Variants in BACH2 observed in about 807,000 individuals in gnomAD.
BACH2 encodes BACH transcriptional regulator 2.
BACH2 carries 5 observed loss-of-function variants against 61.8 expected under a neutral mutation model. The observed-to-expected ratio is 0.08, with a 90% confidence interval of 0.04 to 0.17. The LOEUF (loss-of-function observed/expected upper bound fraction) is 0.17. Among genes scored for constraint, BACH2 ranks in the 10% least tolerant of loss-of-function variants. The probability of loss-of-function intolerance (pLI) is 1.00; values close to 1 mark genes in which losing one functional copy is unlikely to be tolerated. For missense variants in BACH2, 824 were observed against 1,091.1 expected, an observed-to-expected ratio of 0.76 and a Z score of 3.45; for synonymous variants, 446 against 440.1, an observed-to-expected ratio of 1.01 and a Z score of -0.17.
intron 6 of BACH2, among the ~76,000 whole-genome samples, chr6:89,969,884 G>C (rs936595248): frequency 6.6e-5 from 10 of 152,232 alleles, no homozygotes; most frequent in African/African-American, 2.4e-4. Context: ...ATGAAGGCTG[G>C]GTGAGTTGAG....
At chr6:90,296,211 G>A (rs1434424967) in intron 1 of BACH2, among the ~76,000 whole-genome samples, 1 of 151,920 alleles carries the variant, frequency 6.6e-6, no homozygotes, top group Non-Finnish European at 1.5e-5. Flanking sequence ...AATACAATGC[G>A]CCTCGGCCGC....
chr6:90,114,739 A>G (rs1270235166), intron 4 of BACH2, among the ~76,000 whole-genome samples: 1 of 152,126 alleles, frequency 6.6e-6, no homozygotes, highest in Non-Finnish European at 1.5e-5. Flanking sequence ...TCTGTTTGCA[A>G]ACAACATGAT....
chr6:90,236,367 T>C (rs927398067), intron 3 of BACH2, among the ~76,000 whole-genome samples: 2 of 152,328 alleles, frequency 1.3e-5, no homozygotes, highest in Non-Finnish European at 2.9e-5. Flanking sequence ...CAGGCCTGCA[T>C]GGTGGGACCC....
At chr6:90,064,414 C>T (rs1438976367) in intron 5 of BACH2, among the ~76,000 whole-genome samples, 2 of 152,096 alleles carry the variant, frequency 1.3e-5, no homozygotes, top group South Asian at 4.1e-4. Flanking sequence ...GGAATATGGT[C>T]CAGACAAGAA....
At chr6:90,191,946 C>T (rs1300035466) in intron 4 of BACH2, among the ~76,000 whole-genome samples, 2 of 152,130 alleles carry the variant, frequency 1.3e-5, no homozygotes, top group Non-Finnish European at 2.9e-5. Flanking sequence ...ATATTAAAAA[C>T]TATAACCATT....
chr6:89,957,376 G>A (rs990860833), intron 6 of BACH2, among the ~76,000 whole-genome samples: 7 of 152,174 alleles, frequency 4.6e-5, no homozygotes, highest in African/African-American at 1.4e-4. Flanking sequence ...CAAAGCTTCT[G>A]GTTATTTTAG....
chr6:90,241,695 G>A (rs2127865194), intron 3 of BACH2, among the ~76,000 whole-genome samples: 1 of 152,166 alleles, frequency 6.6e-6, no homozygotes, highest in East Asian at 1.9e-4. Flanking sequence ...TCACATGGTG[G>A]GCATCTCTGC....
At chr6:90,292,037 T>C (rs1440961286) in intron 1 of BACH2, among the ~76,000 whole-genome samples, 2 of 152,206 alleles carry the variant, frequency 1.3e-5, no homozygotes, top group Admixed American at 6.5e-5. Context: ...ATATGTTACA[T>C]TTTATATTGT....
intron 1 of BACH2, among the ~76,000 whole-genome samples, chr6:90,292,913 A>G (rs1373552750): frequency 6.6e-6 from 1 of 152,270 alleles, no homozygotes; most frequent in Non-Finnish European, 1.5e-5. Context: ...CAAAGCCAGT[A>G]GTCCTACCAA....
chr6:90,241,544 T>C (rs1345203398), intron 3 of BACH2, among the ~76,000 whole-genome samples: 1 of 152,202 alleles, frequency 6.6e-6, no homozygotes, highest in African/African-American at 2.4e-5. Context: ...AAAAAATACA[T>C]AGAAATAAAA....
intron 3 of BACH2, among the ~76,000 whole-genome samples, chr6:90,242,105 AAC>A (rs1176702863): frequency 6.6e-6 from 1 of 152,206 alleles, no homozygotes; most frequent in Non-Finnish European, 1.5e-5. Context: ...AACTAGTCAT[AAC>A]AGTCAATATA....
intron 6 of BACH2, among the ~76,000 whole-genome samples, chr6:89,967,605 G>A (rs907918293): frequency 3.3e-5 from 5 of 152,218 alleles, no homozygotes; most frequent in African/African-American, 1.2e-4. Flanking sequence ...TCCCAGAGAA[G>A]CGTAGCTTTG....
At chr6:90,036,459 A>T (rs1198492672) in intron 5 of BACH2, among the ~76,000 whole-genome samples, 1 of 152,108 alleles carries the variant, frequency 6.6e-6, no homozygotes, top group Non-Finnish European at 1.5e-5. Flanking sequence ...TGTACTTTGA[A>T]TTTTTTCTAA....
chr6:90,266,901 A>G (rs117692726), intron 2 of BACH2, among the ~76,000 whole-genome samples: 79 of 152,248 alleles, frequency 5.2e-4, no homozygotes, highest in Admixed American at 8.5e-4. Flanking sequence ...GGTTAATTCT[A>G]TATGAACTTA....
chr6:90,083,335 G>A (rs983907063), intron 5 of BACH2, among the ~76,000 whole-genome samples: 1 of 152,140 alleles, frequency 6.6e-6, no homozygotes, highest in Non-Finnish European at 1.5e-5. Context: ...GGAGACTCAC[G>A]ACTCAGAGAA....
chr6:90,007,186 T>C (rs1320564895), intron 6 of BACH2, among the ~76,000 whole-genome samples: 1 of 152,130 alleles, frequency 6.6e-6, no homozygotes, highest in Admixed American at 6.5e-5. Flanking sequence ...GCCATTCTCC[T>C]GCCTCAACCT....
At chr6:90,126,616 A>G (rs1783861684) in intron 4 of BACH2, among the ~76,000 whole-genome samples, 1 of 152,374 alleles carries the variant, frequency 6.6e-6, no homozygotes, top group East Asian at 1.9e-4. Flanking sequence ...AATATTCAAC[A>G]TAACAGCAAT....
intron 5 of BACH2, among the ~76,000 whole-genome samples, chr6:90,077,351 C>T (rs1408030976): frequency 6.6e-6 from 1 of 152,152 alleles, no homozygotes; most frequent in Non-Finnish European, 1.5e-5. Context: ...ATGCCAGGAA[C>T]TTTGAAAGTC....
rs372191644 is a variant in BACH2, at chr6:90,002,804, T to C, written c.243+5798A>G. On this transcript the variant is annotated intron_variant, in intron 6 of 8. Coordinates refer to ENST00000257749, the MANE Select transcript of BACH2 (RefSeq NM_021813.4). ...ACAAAAAAATAAACAAAACTCCCAA[T>C]TCTACCCGAGTCCCCAATCCTACTC... Among the ~76,000 whole-genome samples the C allele has an allele frequency of 2.6e-5, 4 of 152,010 alleles. No homozygotes were observed. The East Asian group carries it at 7.7e-4, about 29-fold the overall frequency.
Sources: allele counts gnomAD v4.1 joint callset (sites outside exome capture counted in the v4.1 genomes callset), GRCh38; gene constraint gnomAD v4.1.1; transcripts MANE v1.5; gene names NCBI Gene and HGNC (gene_info 2026-07-23, HGNC 2026-07-21).